TMEM109: variants seen among roughly 807,000 people sequenced by gnomAD.
TMEM109 encodes the protein voltage-gated monoatomic cation channel TMEM109.
Under a neutral mutation model 26.4 loss-of-function variants are expected in TMEM109, and 19 were observed. The observed-to-expected ratio is 0.72, with a 90% CI of 0.50 to 1.06. TMEM109 has a LOEUF of 1.06. Ranked by LOEUF, TMEM109 falls within the 50% of genes least tolerant of loss-of-function variation. TMEM109 has a pLI of 0.00. For missense variants in TMEM109, 262 were observed against 303.4 expected, an observed-to-expected ratio of 0.86 and a Z score of 1.01; for synonymous variants, 129 against 142.0, an observed-to-expected ratio of 0.91 and a Z score of 0.65.
Position 60,923,235 on chromosome 11 carries a change from C to T in TMEM109, c.*1070C>T, listed in dbSNP as rs1467570100. 6.5e-6 allele frequency: 1 copy of T among 152,710 alleles called. No individual in the cohort carries two copies. The highest frequency in any genetic ancestry group is 2.4e-5 in the African/African-American group (1 of 41,478). 9.5% of individuals were successfully genotyped at this position (152,710 alleles called of 1,614,324 possible). Reference sequence around the variant, plus strand: ...ACCCTGTCTTGGTGGTTAGGGGCCACTTTTCCTTTGAGGCTCTAGTGGAGG... The same window carrying T: ...ACCCTGTCTTGGTGGTTAGGGGCCATTTTTCCTTTGAGGCTCTAGTGGAGG... On this transcript the variant is annotated 3_prime_UTR_variant, in exon 4 of 4. Transcript: ENST00000227525.
intron 2 of TMEM109, 40 bp downstream of exon 2, chr11:60,919,970 A>G (rs1343641447): frequency 6.4e-7 from 1 of 1,560,282 alleles, no homozygotes; most frequent in South Asian, 1.1e-5. Context: ...CACATTAAGG[A>G]AAAATAAAAG....
Position 60,922,579 on chromosome 11 carries a change from C to G in TMEM109, c.*414C>G. 1 of 377,476 alleles carries G rather than the reference C, an allele frequency of 2.6e-6. No homozygotes were observed. Among genetic ancestry groups the G allele is most frequent in the Middle Eastern group, 9.6e-4 (1 of 1,044 alleles). 23.4% of individuals were successfully genotyped at this position (377,476 alleles called of 1,614,324 possible). A position where few individuals can be genotyped will look rare whatever the true frequency, so the allele number is the denominator to read the frequency against. On this transcript the variant is annotated 3_prime_UTR_variant, in exon 4 of 4. Transcript: ENST00000227525. ...CTGTCCTTCTGAAGTTGCTCCTTGG[C>G]CAAATCTCCAGCTCCCTTCTTGTTT...
At chr11:60,918,129 C>A (rs1354235741) in intron 1 of TMEM109, among the ~76,000 whole-genome samples, 1 of 152,216 alleles carries the variant, frequency 6.6e-6, no homozygotes, top group Non-Finnish European at 1.5e-5. Context: ...AATAGCAACA[C>A]CTACCCGATG....
chr11:60,916,861 G>A lies in TMEM109; in HGVS notation c.-9+2593G>A, dbSNP rs370010203. Among the ~76,000 whole-genome samples the A allele has an allele frequency of 1.4e-3, 219 of 152,326 alleles. 12 individuals carry two copies. In the South Asian group the frequency reaches 0.042, roughly 29 times the overall value. ...CCTGACCTCCTAGGGCTGAGGAAAC[G>A]ATATTTGATCCCTCCTGGTGGAGGT... is the stretch of plus-strand genomic sequence containing the variant. On this transcript the variant is annotated intron_variant, in intron 1 of 3. Coordinates refer to ENST00000227525, the MANE Select transcript of TMEM109 (RefSeq NM_024092.3).
chr11:60,918,489 T>C (rs1411079057), intron 1 of TMEM109: 1 of 152,086 alleles, frequency 6.6e-6, no homozygotes, highest in Admixed American at 6.6e-5. Flanking sequence ...ACTAATCCAC[T>C]CCCAAGATAA....
chr11:60,919,258 T>C (rs1856205842), intron 1 of TMEM109: 1 of 190,940 alleles, frequency 5.2e-6, no homozygotes, highest in Non-Finnish European at 1.1e-5. Context: ...GTGCTATTTT[T>C]AAGTTGTTTT....
At chr11:60,916,798 A>G (rs1309080638) in intron 1 of TMEM109, among the ~76,000 whole-genome samples, 1 of 152,208 alleles carries the variant, frequency 6.6e-6, no homozygotes, top group Non-Finnish European at 1.5e-5. Context: ...CTGGCACAGA[A>G]CAAGGCAGGC....
At chr11:60,919,531 C>G (rs994631141) in intron 1 of TMEM109, 155 bp from the exon 2 acceptor site, 1 of 640,998 alleles carries the variant, frequency 1.6e-6, no homozygotes, top group Non-Finnish European at 2.8e-6. Flanking sequence ...GTTGGAAGTC[C>G]CAGTCCTTCC....
chr11:60,920,011 A>C, intron 2 of TMEM109, 81 bp downstream of exon 2: 2 of 1,170,798 alleles, frequency 1.7e-6, no homozygotes, highest in Non-Finnish European at 2.5e-6. Context: ...ACCTCATCTT[A>C]GTTCCACATC....
Position 60,920,890 on chromosome 11 carries a change from C to T in TMEM109, c.242C>T (p.Ser81Leu), listed in dbSNP as rs1405932575. 1.4e-5 allele frequency: 22 copies of T among 1,613,778 alleles called. No individual in the cohort carries two copies. Among genetic ancestry groups the T allele is most frequent in the Non-Finnish European group, 1.6e-5 (19 of 1,179,800 alleles). ...CGCTCCGTGCTCTTTCCACAGTCTT[C>T]GTCCCAAGTGTTGTGGGCCATCTCA... is the stretch of plus-strand genomic sequence containing the variant. ...PETMHLVSES[S>L]SQVLWAISSA... The change falls in exon 3 of 4, where the codon TCG (serine) becomes TTG (leucine). Residue 81 changes from serine (S) to leucine (L), a missense_variant. Transcript: ENST00000227525.
intron 1 of TMEM109, among the ~76,000 whole-genome samples, chr11:60,919,422 A>G (rs527359311): frequency 8.3e-4 from 127 of 152,334 alleles, no homozygotes; most frequent in African/African-American, 2.7e-3. Flanking sequence ...CTTCTCGCCA[A>G]CTCTAAAGTG....
In TMEM109 at chr11:60,919,843, A is replaced by G; in HGVS notation, c.150A>G (p.Pro50=). The change falls in exon 2 of 4, where the codon CCA becomes CCG. Residue 50 remains proline, a synonymous_variant. Transcript: ENST00000227525. ...CAGGCCAACAGAAGAGAGAAGCCCCAGTTGATGTCTTGACCCAGATAGGTC... is the reference window on the plus strand; with the variant it reads ...CAGGCCAACAGAAGAGAGAAGCCCCGGTTGATGTCTTGACCCAGATAGGTC... ...APPGQQKREA[P]VDVLTQIGRS... 3 of 1,614,222 alleles carry G rather than the reference A, an allele frequency of 1.9e-6. No homozygotes were observed. The highest frequency in any genetic ancestry group is 2.5e-6 in the Non-Finnish European group (3 of 1,180,042).
chr11:60,916,638 A>G (rs866464963), intron 1 of TMEM109, among the ~76,000 whole-genome samples: 7 of 152,354 alleles, frequency 4.6e-5, no homozygotes, highest in African/African-American at 1.2e-4. Flanking sequence ...ATTATCTCCA[A>G]AGGATACACT....
intron 1 of TMEM109, among the ~76,000 whole-genome samples, chr11:60,915,745 TG>T (rs1245899306): frequency 1.3e-5 from 2 of 151,994 alleles, no homozygotes; most frequent in African/African-American, 4.8e-5. Context: ...GAGCCTTGAT[TG>T]GGAGGGGGGG....
rs1200347666 is a variant in TMEM109, at chr11:60,919,713, G to A, written c.20G>A (p.Ser7Asn). 1.2e-6 allele frequency: 2 copies of A among 1,614,186 alleles called. No individual in the cohort carries two copies. The highest frequency in any genetic ancestry group is 1.3e-5 in the African/African-American group (1 of 75,044). MAASSI[S>N]SPWGKHVFKA... ...CCAGTCATGGCAGCCTCCAGCATCA[G>A]TTCACCATGGGGAAAGCATGTGTTC... The change falls in exon 2 of 4, where the codon AGT becomes AAT. Residue 7 changes from serine to asparagine, a missense_variant. Ser to Asn is a conservative substitution (Grantham distance 46). Transcript: ENST00000227525.
chr11:60,920,898 G>C lies in TMEM109; in HGVS notation c.250G>C (p.Val84Leu), dbSNP rs1176995083. 4 of 1,614,118 alleles carry C rather than the reference G, an allele frequency of 2.5e-6. No individual in the cohort carries two copies. The South Asian group carries it at 3.3e-5, about 13-fold the overall frequency. ...GCTCTTTCCACAGTCTTCGTCCCAA[G>C]TGTTGTGGGCCATCTCATCAGCCAT... ...MHLVSESSSQ[V>L]LWAISSAISV... Residue 84 changes from valine (V) to leucine (L), a missense_variant, in exon 3 of 4, where the codon GTG becomes CTG. By Grantham distance (32) the Val-to-Leu change is conservative (BLOSUM62 1). Coordinates refer to ENST00000227525, the MANE Select transcript of TMEM109 (RefSeq NM_024092.3).
chr11:60,922,680 C>G lies in TMEM109; in HGVS notation c.*515C>G, dbSNP rs564336997. ...CGCTCCTGTCCTCCTCATTGCCCAG[C>G]AGTAGGGAGGGGCAGGGGTAAGGGG... On this transcript the variant is annotated 3_prime_UTR_variant, in exon 4 of 4. Transcript: ENST00000227525. 8 of 259,576 alleles carry G rather than the reference C, an allele frequency of 3.1e-5. No homozygotes were observed. In the Admixed American group the frequency reaches 3.6e-4, roughly 12 times the overall value. The allele number at this position is 259,576 out of a possible 1,614,324, so 16.1% of individuals were successfully genotyped here.
rs541026722 is a variant in TMEM109 at position 60,920,562 on chromosome 11, G to T, written c.238-324G>T. ...GGGTGACTACTAAAAGTATTTGATT[G>T]TCTCCGTCATTCACACACAAGTACA... is the stretch of plus-strand genomic sequence containing the variant. On this transcript the variant is annotated intron_variant, in intron 2 of 3. Coordinates refer to ENST00000227525, the MANE Select transcript of TMEM109 (RefSeq NM_024092.3). 1.3e-4 allele frequency among the ~76,000 whole-genome samples: 20 copies of T among 152,282 alleles called. No homozygotes were observed. The East Asian group carries it at 1.4e-3, about 10-fold the overall frequency.
chr11:60,920,029 G>A (rs1856217702), intron 2 of TMEM109, 99 bp downstream of exon 2: 3 of 992,748 alleles, frequency 3.0e-6, no homozygotes, highest in Non-Finnish European at 3.1e-6. Flanking sequence ...ATCCTCTCTG[G>A]TGCAGAGAGC....
Sources: gnomAD v4.1 joint callset for allele counts (sites outside exome capture counted in the v4.1 genomes callset) on GRCh38, gnomAD v4.1.1 for gene constraint, MANE v1.5 for transcripts, NCBI Gene and HGNC (gene_info 2026-07-23, HGNC 2026-07-21) for gene names.